Variants in ZFYVE9 observed in about 807,000 individuals in gnomAD.
ZFYVE9 encodes zinc finger FYVE-type containing 9, also known as zinc finger FYVE domain-containing protein 9.
In ZFYVE9, 43 loss-of-function variants were observed where a neutral mutation model predicts 126.7. The observed-to-expected ratio is 0.34, with a 90% CI of 0.27 to 0.44. The LOEUF (loss-of-function observed/expected upper bound fraction) is 0.44, where lower values mean the gene tolerates loss of function less well. ZFYVE9 is among the 20% of genes least tolerant of loss of function. The pLI, the probability that ZFYVE9 is intolerant of heterozygous loss-of-function variation, is 1.00. For missense variants in ZFYVE9, 1,476 were observed against 1,697.0 expected, an observed-to-expected ratio of 0.87 and a Z score of 2.29; for synonymous variants, 521 against 597.4, an observed-to-expected ratio of 0.87 and a Z score of 1.87.
At chr1:52,232,182 A>G (rs527391249) in intron 2 of ZFYVE9, among the ~76,000 whole-genome samples, 24 of 152,226 alleles carry the variant, frequency 1.6e-4, no homozygotes, top group African/African-American at 5.8e-4. Context: ...CCCTGCCTGT[A>G]TTATATCAAT....
At chr1:52,178,333 T>C (rs1330575006) in intron 1 of ZFYVE9, among the ~76,000 whole-genome samples, 3 of 151,046 alleles carry the variant, frequency 2.0e-5, no homozygotes, top group Non-Finnish European at 4.4e-5. Context: ...TTTGGGCTTT[T>C]TTTTTTTTTC....
In ZFYVE9 at chr1:52,198,110, G is replaced by GTTTTT. The variant is rs1329262004; in HGVS notation, c.-142-18254_-142-18250dup. Among the ~76,000 whole-genome samples the GTTTTT allele has an allele frequency of 5.1e-3, 204 of 40,004 alleles. 11 individuals are homozygous for GTTTTT. Among genetic ancestry groups the GTTTTT allele is most frequent in the African/African-American group, 0.011 (192 of 17,350 alleles). 26.2% of individuals were successfully genotyped at this position (40,004 alleles called of 152,430 possible). ...GGTTGTCATTAAATAATATTGTAGT[G>GTTTTT]TTTTTTTTTGTTTGTTTTTTTTTTT... is the stretch of plus-strand genomic sequence containing the variant. On this transcript the variant is annotated intron_variant, in intron 1 of 18. Transcript: ENST00000287727.
chr1:52,235,347 G>T (rs75671966), intron 3 of ZFYVE9, among the ~76,000 whole-genome samples: 10,807 of 152,166 alleles, frequency 0.071, 479 homozygotes, highest in African/African-American at 0.12. Flanking sequence ...TCAACATTAT[G>T]CCCAGGTAGG....
At chr1:52,304,601 C>CT (rs911751833) in intron 13 of ZFYVE9, among the ~76,000 whole-genome samples, 52 of 147,690 alleles carry the variant, frequency 3.5e-4, no homozygotes, top group African/African-American at 1.2e-3. Context: ...TTCCTTTTTC[C>CT]TTTTTTTTTC....
intron 1 of ZFYVE9, among the ~76,000 whole-genome samples, chr1:52,145,759 ATT>A (rs34503504): frequency 2.0e-5 from 3 of 151,794 alleles, no homozygotes; most frequent in African/African-American, 7.3e-5. Flanking sequence ...TGGTTGCTTT[ATT>A]TTTTTTAGAC....
chr1:52,328,926 TTATAA>T (rs1646315285), intron 13 of ZFYVE9, among the ~76,000 whole-genome samples: 1 of 151,970 alleles, frequency 6.6e-6, no homozygotes, highest in African/African-American at 2.4e-5. Flanking sequence ...TTTGGAAGAG[TTATAA>T]TAAAGTAAAG....
At chr1:52,301,164 T>A (rs1196086635) in intron 12 of ZFYVE9, among the ~76,000 whole-genome samples, 1 of 151,822 alleles carries the variant, frequency 6.6e-6, no homozygotes, top group East Asian at 1.9e-4. Context: ...TCAGCCCGAG[T>A]TTTCTTCTTT....
Position 52,189,045 on chromosome 1 carries a change from C to G in ZFYVE9, c.-142-27324C>G, listed in dbSNP as rs183805082. Among the ~76,000 whole-genome samples, 981 of 151,952 alleles carry G rather than the reference C, an allele frequency of 6.5e-3. 10 individuals carry two copies. The highest frequency in any genetic ancestry group is 0.022 in the African/African-American group (908 of 41,444). Reference sequence around the variant, plus strand: ...CTCTGCCTCCCAGGTTCGAGTGATTCTTCTGCCTCAGCCTCCCGAGTAGGT... The same window carrying G: ...CTCTGCCTCCCAGGTTCGAGTGATTGTTCTGCCTCAGCCTCCCGAGTAGGT... On this transcript the variant is annotated intron_variant, in intron 1 of 18. Transcript: ENST00000287727.
chr1:52,333,306 AT>A (rs944858030), intron 14 of ZFYVE9, among the ~76,000 whole-genome samples: 19 of 150,462 alleles, frequency 1.3e-4, no homozygotes, highest in South Asian at 4.2e-4. Flanking sequence ...AAAAAAAAAA[AT>A]ATGCCCTTAG....
At chr1:52,250,374 G>T (rs1253197216) in intron 4 of ZFYVE9, among the ~76,000 whole-genome samples, 1 of 152,028 alleles carries the variant, frequency 6.6e-6, no homozygotes, top group Non-Finnish European at 1.5e-5. Context: ...TCTTTTTGAT[G>T]CTATTGTAAA....
Position 52,238,925 on chromosome 1 carries a change from C to G in ZFYVE9, c.1508C>G (p.Thr503Arg), listed in dbSNP as rs747093917. 7 of 1,613,522 alleles carry G rather than the reference C, an allele frequency of 4.3e-6. No individual in the cohort carries two copies. Among genetic ancestry groups the G allele is most frequent in the Non-Finnish European group, 5.9e-6 (7 of 1,179,880 alleles). ...KTLPSKEDSV[T>R]EEKEIEESKS... ...TTACCCTCCAAAGAAGATTCAGTAA[C>G]AGAAGAAAAAGAAATAGAGGAAAGC... Residue 503 changes from threonine (T) to arginine (R), a missense_variant, in exon 4 of 19, where the codon ACA becomes AGA. Transcript: ENST00000287727.
chr1:52,318,001 T>G (rs922991751), intron 13 of ZFYVE9, among the ~76,000 whole-genome samples: 2 of 152,164 alleles, frequency 1.3e-5, no homozygotes, highest in African/African-American at 4.8e-5. Context: ...ACACCATTTC[T>G]GTGCAAACAC....
intron 4 of ZFYVE9, among the ~76,000 whole-genome samples, chr1:52,263,436 CTA>C (rs901468064): frequency 6.6e-6 from 1 of 152,126 alleles, no homozygotes; most frequent in African/African-American, 2.4e-5. Context: ...GCACATGTAA[CTA>C]TCTTTCAACA....
chr1:52,209,773 T>G (rs1645010769), intron 1 of ZFYVE9, among the ~76,000 whole-genome samples: 1 of 152,110 alleles, frequency 6.6e-6, no homozygotes, highest in African/African-American at 2.4e-5. Context: ...GAATAAGATG[T>G]CATACTAGAG....
At chr1:52,163,760 G>A (rs72892198) in intron 1 of ZFYVE9, among the ~76,000 whole-genome samples, 2,906 of 151,954 alleles carry the variant, frequency 0.019, 81 homozygotes, top group African/African-American at 0.064. Flanking sequence ...GATCACTTGA[G>A]CCCAGGAGTT....
intron 10 of ZFYVE9, among the ~76,000 whole-genome samples, chr1:52,291,486 T>G (rs1645919964): frequency 1.3e-5 from 2 of 152,232 alleles, no homozygotes; most frequent in Admixed American, 1.3e-4. Context: ...AAAGTCCTTT[T>G]GCAATTCTAA....
intron 1 of ZFYVE9, among the ~76,000 whole-genome samples, chr1:52,184,265 C>T (rs1057437365): frequency 6.1e-5 from 9 of 147,006 alleles, no homozygotes; most frequent in African/African-American, 2.3e-4. Flanking sequence ...ACTCTTGTTG[C>T]CCAGGCTGGA....
intron 15 of ZFYVE9, among the ~76,000 whole-genome samples, chr1:52,336,701 T>C (rs1047619874): frequency 6.6e-6 from 1 of 152,050 alleles, no homozygotes; most frequent in Non-Finnish European, 1.5e-5. Context: ...CTAAAGCAAC[T>C]AGTTAAAGCC....
Position 52,263,870 on chromosome 1 carries a change from A to G in ZFYVE9, c.2276A>G (p.Asn759Ser), listed in dbSNP as rs565040324. 20 of 1,575,988 alleles carry G rather than the reference A, an allele frequency of 1.3e-5. No individual in the cohort carries two copies. Among genetic ancestry groups the G allele is most frequent in the Non-Finnish European group, 1.7e-5 (20 of 1,153,328 alleles). ...VCVICHSVLM[N>S]AQAWENMMSA... ...GTAATCTGCCATTCAGTGCTAATGAATGGTAAGTATTAAAACAGGTTGATT... is the reference window on the plus strand; with the variant it reads ...GTAATCTGCCATTCAGTGCTAATGAGTGGTAAGTATTAAAACAGGTTGATT... Residue 759 changes from asparagine (N) to serine (S), a missense_variant and splice_region_variant, in exon 5 of 19, where the codon AAT becomes AGT. Coordinates refer to ENST00000287727, the MANE Select transcript of ZFYVE9 (RefSeq NM_004799.4).
Sources: gnomAD v4.1 joint callset for allele counts (sites outside exome capture counted in the v4.1 genomes callset) on GRCh38, gnomAD v4.1.1 for gene constraint, MANE v1.5 for transcripts, NCBI Gene and HGNC (gene_info 2026-07-23, HGNC 2026-07-21) for gene names.